PDE7B: variants seen among roughly 807,000 people sequenced by gnomAD.
The protein encoded by PDE7B is phosphodiesterase 7B.
Under a neutral mutation model 56.2 loss-of-function variants are expected in PDE7B, and 29 were observed. The ratio of observed to expected loss-of-function variants is 0.52; its 90% CI spans 0.38 to 0.70. The LOEUF (loss-of-function observed/expected upper bound fraction) is 0.70. PDE7B is among the 30% of genes least tolerant of loss of function. PDE7B has a pLI of 0.00. For missense variants in PDE7B, 490 were observed against 565.0 expected (o/e 0.87, Z 1.35); for synonymous variants, 197 against 196.9 (o/e 1.00, Z 0.00).
chr6:136,151,308 C>A, intron 6 of PDE7B, 53 bp downstream of exon 6: 1 of 860,484 alleles, frequency 1.2e-6, no homozygotes, highest in Non-Finnish European at 2.0e-6. Flanking sequence ...AATGGCAATG[C>A]ATAATACTCT....
In PDE7B at chr6:136,175,909, A is replaced by G. The variant is rs796399267; in HGVS notation, c.803+2021A>G. Among the ~76,000 whole-genome samples the G allele has an allele frequency of 1.2e-4, 18 of 152,134 alleles. No individual in the cohort carries two copies. In the East Asian group the frequency reaches 1.5e-3, roughly 13 times the overall value. On this transcript the variant is annotated intron_variant, in intron 9 of 12. Transcript: ENST00000308191. ...CAACTGATGGATTGTAAGAAAATGT[A>G]CCAATGTACCATCACCAAAATTGAG...
intron 1 of PDE7B, among the ~76,000 whole-genome samples, chr6:135,877,358 CTTTT>C (rs11302793): frequency 3.2e-5 from 4 of 126,928 alleles, no homozygotes; most frequent in Admixed American, 8.0e-5. Flanking sequence ...TTACACATTC[CTTTT>C]TTTTTTTTTT....
At chr6:136,037,576 C>A (rs979523781) in intron 2 of PDE7B, 1 of 985,444 alleles carries the variant, frequency 1.0e-6, no homozygotes, top group Non-Finnish European at 1.2e-6. Flanking sequence ...CAGAGAGAAG[C>A]AGCTGCAGAT....
chr6:136,152,701 T>A (rs1464281771), intron 6 of PDE7B, among the ~76,000 whole-genome samples: 1 of 152,232 alleles, frequency 6.6e-6, no homozygotes, highest in South Asian at 2.1e-4. Context: ...CCTCTGCCAT[T>A]TACATGTTTC....
At chr6:136,089,597 T>C (rs1395310644) in intron 2 of PDE7B, among the ~76,000 whole-genome samples, 1 of 152,138 alleles carries the variant, frequency 6.6e-6, no homozygotes, top group Non-Finnish European at 1.5e-5. Context: ...ATAATCAGAA[T>C]GTTATATTGA....
intron 1 of PDE7B, among the ~76,000 whole-genome samples, chr6:135,900,034 T>G (rs1583751782): frequency 6.6e-6 from 1 of 152,160 alleles, no homozygotes; most frequent in South Asian, 2.1e-4. Context: ...GAAATTAATG[T>G]TGTAAACAAA....
intron 3 of PDE7B, among the ~76,000 whole-genome samples, chr6:136,138,421 CTTCTTAT>C (rs1778253656): frequency 2.0e-5 from 3 of 152,074 alleles, no homozygotes; most frequent in Admixed American, 1.3e-4. Context: ...CCATCTTCAG[CTTCTTAT>C]ATCTTCGTTT....
chr6:135,995,395 G>A (rs990213941), intron 2 of PDE7B, among the ~76,000 whole-genome samples: 3 of 152,120 alleles, frequency 2.0e-5, no homozygotes, highest in African/African-American at 7.2e-5. Context: ...ATTTTTTAAA[G>A]GTTTACATCT....
chr6:136,141,131 A>G (rs369773259), intron 3 of PDE7B, among the ~76,000 whole-genome samples: 16 of 152,246 alleles, frequency 1.1e-4, no homozygotes, highest in East Asian at 5.8e-4. Flanking sequence ...TTATTTTGAG[A>G]TACGTCCCAT....
At chr6:136,142,901 TC>T (rs1778352035) in intron 3 of PDE7B, among the ~76,000 whole-genome samples, 1 of 152,194 alleles carries the variant, frequency 6.6e-6, no homozygotes, top group South Asian at 2.1e-4. Flanking sequence ...TGACTCTTTA[TC>T]CAATTTGCCA....
At chr6:136,181,408 A>G (rs1779064824) in intron 11 of PDE7B, 85 bp downstream of exon 11, 3 of 835,998 alleles carry the variant, frequency 3.6e-6, no homozygotes, top group East Asian at 2.4e-5. Context: ...TGGCTGATCT[A>G]TCATGACATT....
chr6:135,955,029 G>C (rs1355753650), intron 2 of PDE7B, among the ~76,000 whole-genome samples: 3 of 152,096 alleles, frequency 2.0e-5, no homozygotes, highest in Non-Finnish European at 1.5e-5. Flanking sequence ...TATTGAGTTA[G>C]CTTCATTTTC....
chr6:136,015,117 CT>C (rs1373005316), intron 2 of PDE7B, among the ~76,000 whole-genome samples: 3 of 152,204 alleles, frequency 2.0e-5, no homozygotes, highest in Non-Finnish European at 4.4e-5. Context: ...TATTAGTAAT[CT>C]TTACTTGGGC....
rs771473679 is a variant in PDE7B at position 135,961,281 on chromosome 6, A to ATGTGTGTGTGTGTG, written c.82+13777_82+13790dup. Among the ~76,000 whole-genome samples, 178 of 89,514 alleles carry ATGTGTGTGTGTGTG rather than the reference A, an allele frequency of 2.0e-3. 1 individual carries two copies. The highest frequency in any genetic ancestry group is 4.7e-3 in the African/African-American group (151 of 32,012). The allele number at this position is 89,514 out of a possible 152,430, so 58.7% of individuals were successfully genotyped here. On this transcript the variant is annotated intron_variant, in intron 2 of 12. Transcript: ENST00000308191. ...TGTGTGTGTGTGTGTGTGTGTGTGT[A>ATGTGTGTGTGTGTG]TGTGTGTGTGTGTGTGTGTGTGTGT... is the stretch of plus-strand genomic sequence containing the variant.
Position 136,147,258 on chromosome 6 carries a change from TTTCTC to T in PDE7B, c.167-88_167-84del, listed in dbSNP as rs1451565284. On this transcript the variant is annotated intron_variant, in intron 3 of 12. Transcript: ENST00000308191. ...AAAAGTATAGAAAGCATCTTTTAAATTTCTCTTCTTTTAATGCATTTATTTTTACA... is the reference window on the plus strand; with the variant it reads ...AAAAGTATAGAAAGCATCTTTTAAATTTCTTTTAATGCATTTATTTTTACA... The T allele has an allele frequency of 5.2e-6, 4 of 770,756 alleles. No individual in the cohort carries two copies. The African/African-American group carries it at 7.0e-5, about 13-fold the overall frequency. 47.7% of individuals were successfully genotyped at this position (770,756 alleles called of 1,614,324 possible). A position where few individuals can be genotyped will look rare whatever the true frequency, so the allele number is the denominator to read the frequency against.
intron 2 of PDE7B, among the ~76,000 whole-genome samples, chr6:136,048,317 A>C (rs1162590452): frequency 1.3e-5 from 2 of 152,144 alleles, no homozygotes; most frequent in African/African-American, 4.8e-5. Flanking sequence ...TGAGGTCAGG[A>C]GTTCAAGACC....
intron 2 of PDE7B, among the ~76,000 whole-genome samples, chr6:135,998,721 A>C (rs945007344): frequency 2.6e-5 from 4 of 151,952 alleles, no homozygotes; most frequent in Admixed American, 2.6e-4. Flanking sequence ...GCGCCACTGC[A>C]CTCCAGCCTG....
In PDE7B at chr6:136,155,607, C is replaced by T; in HGVS notation, c.580-20C>T. ...TTGTGAAAATACACCAATCAATCTCCCAATTTGTTTTTTTAACAGCTTGCC... is the reference window on the plus strand; with the variant it reads ...TTGTGAAAATACACCAATCAATCTCTCAATTTGTTTTTTTAACAGCTTGCC... On this transcript the variant is annotated intron_variant, in intron 7 of 12. Coordinates refer to ENST00000308191, the MANE Select transcript of PDE7B (RefSeq NM_018945.4). 1 of 1,593,552 alleles carries T rather than the reference C, an allele frequency of 6.3e-7. No homozygotes were observed. The highest frequency in any genetic ancestry group is 8.6e-7 in the Non-Finnish European group (1 of 1,169,518).
At chr6:135,884,277 G>A (rs1218880931) in intron 1 of PDE7B, among the ~76,000 whole-genome samples, 1 of 152,150 alleles carries the variant, frequency 6.6e-6, no homozygotes, top group Non-Finnish European at 1.5e-5. Flanking sequence ...ACCACTTAGT[G>A]TGTATTGACT....
Sources: allele counts gnomAD v4.1 joint callset (sites outside exome capture counted in the v4.1 genomes callset), GRCh38; gene constraint gnomAD v4.1.1; transcripts MANE v1.5; gene names NCBI Gene and HGNC (gene_info 2026-07-23, HGNC 2026-07-21).